SORCS2: variants seen among roughly 807,000 people sequenced by gnomAD.
SORCS2 encodes sortilin related VPS10 domain containing receptor 2, also known as VPS10 domain-containing receptor SorCS2.
A neutral mutation model predicts 141.6 loss-of-function variants in SORCS2; 100 were observed. The ratio of observed to expected loss-of-function variants is 0.71; its 90% CI spans 0.60 to 0.83. The LOEUF is 0.83. Among genes scored for constraint, SORCS2 ranks in the 40% least tolerant of loss-of-function variants. The pLI, the probability that SORCS2 is intolerant of heterozygous loss-of-function variation, is 0.00. For missense variants in SORCS2, 1,646 were observed against 1,560.2 expected, an observed-to-expected ratio of 1.05 and a Z score of -0.93; for synonymous variants, 789 against 676.9, an observed-to-expected ratio of 1.17 and a Z score of -2.57.
intron 11 of SORCS2, among the ~76,000 whole-genome samples, chr4:7,691,333 G>T (rs560719384): frequency 6.6e-6 from 1 of 152,222 alleles, no homozygotes; most frequent in South Asian, 2.1e-4. Flanking sequence ...TGAAAGAGCG[G>T]CCATGTTGTG....
At position 7,654,118 on chromosome 4, in the gene SORCS2, T is replaced by A; in HGVS notation, c.814-16T>A. On this transcript the variant is annotated splice_polypyrimidine_tract_variant and intron_variant, in intron 4 of 26. Transcript: ENST00000507866. ...ACGTCCTGACCAAGCTTTTGTTTCT[T>A]TTTTCTGCCCTAAAGCTCTACGTGT... 1 of 1,563,218 alleles carries A rather than the reference T, an allele frequency of 6.4e-7. No individual in the cohort carries two copies. The highest frequency in any genetic ancestry group is 8.7e-7 in the Non-Finnish European group (1 of 1,152,258).
At chr4:7,601,762 A>G (rs1717698729) in intron 3 of SORCS2, among the ~76,000 whole-genome samples, 1 of 152,038 alleles carries the variant, frequency 6.6e-6, no homozygotes, top group Non-Finnish European at 1.5e-5. Flanking sequence ...AGGGAAGGTC[A>G]GCAGATAAAC....
chr4:7,741,586 C>A lies in SORCS2; in HGVS notation c.*1322C>A, dbSNP rs144134539. Reference sequence around the variant, plus strand: ...GAGGGGGAGAACGCCAGAGCCCTGGCTGGTGATGTGCTGGCTGGGGGTGAA... The same window carrying A: ...GAGGGGGAGAACGCCAGAGCCCTGGATGGTGATGTGCTGGCTGGGGGTGAA... On this transcript the variant is annotated 3_prime_UTR_variant, in exon 27 of 27. Coordinates refer to ENST00000507866, the MANE Select transcript of SORCS2 (RefSeq NM_020777.3). 1.3e-3 allele frequency: 292 copies of A among 226,190 alleles called. 6 individuals carry two copies. Among genetic ancestry groups the A allele is most frequent in the South Asian group, 2.1e-3 (10 of 4,858 alleles). The allele number at this position is 226,190 out of a possible 1,614,324, so 14.0% of individuals were successfully genotyped here.
intron 3 of SORCS2, among the ~76,000 whole-genome samples, chr4:7,542,872 C>T (rs754128135): frequency 1.6e-4 from 24 of 152,236 alleles, no homozygotes; most frequent in African/African-American, 3.9e-4. Flanking sequence ...CTGCCTCTTA[C>T]GCTCCACCCA....
intron 15 of SORCS2, among the ~76,000 whole-genome samples, chr4:7,713,454 G>A (rs11726260): frequency 0.33 from 49,884 of 151,880 alleles, 9,410 homozygotes; most frequent in Non-Finnish European, 0.42. Flanking sequence ...TTAAAGCGCG[G>A]GGTGGAAGAC....
intron 1 of SORCS2, among the ~76,000 whole-genome samples, chr4:7,378,534 A>T (rs956932105): frequency 6.6e-6 from 1 of 152,178 alleles, no homozygotes; most frequent in South Asian, 2.1e-4. Flanking sequence ...ATCTCATGGG[A>T]ACTCACTCAC....
intron 19 of SORCS2, among the ~76,000 whole-genome samples, chr4:7,724,326 TA>T (rs1726882962): frequency 1.7e-5 from 2 of 115,920 alleles, no homozygotes; most frequent in African/African-American, 7.2e-5. Flanking sequence ...GTGGTGGTGA[TA>T]GGGTGATGGT....
intron 2 of SORCS2, among the ~76,000 whole-genome samples, chr4:7,478,209 T>C (rs1730418603): frequency 6.6e-6 from 1 of 152,054 alleles, no homozygotes; most frequent in African/African-American, 2.4e-5. Flanking sequence ...GCAGTGAGTA[T>C]GCAGTGATGT....
chr4:7,641,330 A>AG (rs1297250960), intron 4 of SORCS2, among the ~76,000 whole-genome samples: 1 of 152,192 alleles, frequency 6.6e-6, no homozygotes, highest in Non-Finnish European at 1.5e-5. Flanking sequence ...CATCTTCACA[A>AG]GGCATCAGGA....
Position 7,703,155 on chromosome 4 carries a change from G to A in SORCS2, c.1669-125G>A, listed in dbSNP as rs982170165. On this transcript the variant is annotated intron_variant, in intron 12 of 26. Coordinates refer to ENST00000507866, the MANE Select transcript of SORCS2 (RefSeq NM_020777.3). ...GGGACATGCAGGGAACCCTCAGACC[G>A]GCCTTGGCCTCTGCCAACAACCCCC... 1.2e-4 allele frequency: 83 copies of A among 694,686 alleles called. 1 individual carries two copies. Among genetic ancestry groups the A allele is most frequent in the South Asian group, 1.1e-3 (56 of 49,806 alleles). 43.0% of individuals were successfully genotyped at this position (694,686 alleles called of 1,614,324 possible). A position where few individuals can be genotyped will look rare whatever the true frequency, so the allele number is the denominator to read the frequency against.
chr4:7,381,004 C>T (rs1449671201), intron 1 of SORCS2, among the ~76,000 whole-genome samples: 1 of 149,212 alleles, frequency 6.7e-6, no homozygotes, highest in African/African-American at 2.5e-5. Context: ...ATCGCTTGAA[C>T]CCGGGAGGCA....
intron 8 of SORCS2, among the ~76,000 whole-genome samples, chr4:7,673,787 G>A (rs1023839314): frequency 2.6e-5 from 4 of 152,126 alleles, no homozygotes; most frequent in Non-Finnish European, 5.9e-5. Context: ...TGTAAATACG[G>A]CATCCTGACG....
intron 1 of SORCS2, among the ~76,000 whole-genome samples, chr4:7,195,415 G>A (rs1412426700): frequency 6.6e-6 from 1 of 152,114 alleles, no homozygotes; most frequent in Non-Finnish European, 1.5e-5. Flanking sequence ...AGTGGGTGTG[G>A]GTGTCCGTGG....
intron 8 of SORCS2, among the ~76,000 whole-genome samples, chr4:7,675,793 C>A (rs1014294564): frequency 1.3e-5 from 2 of 152,146 alleles, no homozygotes; most frequent in Admixed American, 1.3e-4. Context: ...CCCAGGCCAC[C>A]CTCCCATAAC....
intron 10 of SORCS2, among the ~76,000 whole-genome samples, chr4:7,687,435 A>T (rs974817020): frequency 6.6e-6 from 1 of 152,136 alleles, no homozygotes; most frequent in Non-Finnish European, 1.5e-5. Context: ...AATCAGAAAA[A>T]TCTATTGCAG....
chr4:7,650,067 T>G (rs1192844661), intron 4 of SORCS2, among the ~76,000 whole-genome samples: 1 of 152,168 alleles, frequency 6.6e-6, no homozygotes, highest in Non-Finnish European at 1.5e-5. Context: ...CCTGGGCCAG[T>G]GACGGAAATT....
At chr4:7,634,952 TCA>T (rs1720146933) in intron 3 of SORCS2, among the ~76,000 whole-genome samples, 1 of 152,118 alleles carries the variant, frequency 6.6e-6, no homozygotes, top group Non-Finnish European at 1.5e-5. Flanking sequence ...CCCTCAGAGC[TCA>T]CTAGGTCATC....
At chr4:7,686,885 G>C (rs965648951) in intron 10 of SORCS2, among the ~76,000 whole-genome samples, 1 of 152,216 alleles carries the variant, frequency 6.6e-6, no homozygotes, top group Admixed American at 6.5e-5. Context: ...TCATAGAGCC[G>C]CCTGTGTTCA....
chr4:7,631,177 C>T (rs913938772), intron 3 of SORCS2, among the ~76,000 whole-genome samples: 5 of 150,626 alleles, frequency 3.3e-5, no homozygotes, highest in Admixed American at 1.3e-4. Flanking sequence ...AGGAAGATGA[C>T]GTGGACCAGG....
Sources: allele counts gnomAD v4.1 joint callset (sites outside exome capture counted in the v4.1 genomes callset), GRCh38; gene constraint gnomAD v4.1.1; transcripts MANE v1.5; gene names NCBI Gene and HGNC (gene_info 2026-07-23, HGNC 2026-07-21).